The following RUNX1 variants were observed in gnomAD, a reference collection of about 807,000 sequenced individuals.
The protein encoded by RUNX1 is runt-related transcription factor 1.
Under a neutral mutation model 42.8 loss-of-function variants are expected in RUNX1, and 19 were observed. The ratio of observed to expected loss-of-function variants is 0.44; its 90% CI spans 0.31 to 0.65. RUNX1 has a LOEUF of 0.65. RUNX1 is among the 30% of genes least tolerant of loss of function. The pLI, the probability that RUNX1 is intolerant of heterozygous loss-of-function variation, is 0.07. For missense variants in RUNX1, 528 were observed against 672.0 expected (o/e 0.79, Z 2.37); for synonymous variants, 271 against 289.4 (o/e 0.94, Z 0.64).
chr21:34,899,936 G>C (rs1244729211), intron 2 of RUNX1, among the ~76,000 whole-genome samples: 4 of 152,176 alleles, frequency 2.6e-5, no homozygotes, highest in Admixed American at 2.6e-4. Context: ...CTTGAGCACA[G>C]GAGTTTGAGA....
intron 2 of RUNX1, among the ~76,000 whole-genome samples, chr21:34,908,379 C>A (rs768876573): frequency 6.6e-6 from 1 of 152,108 alleles, no homozygotes; most frequent in Non-Finnish European, 1.5e-5. Context: ...CATTAATGAT[C>A]TGAACTGAAA....
chr21:34,962,835 G>A (rs1212297134), intron 2 of RUNX1, among the ~76,000 whole-genome samples: 3 of 152,226 alleles, frequency 2.0e-5, no homozygotes, highest in Non-Finnish European at 4.4e-5. Context: ...CCTCACCGTT[G>A]TCACTGTCCT....
At position 34,792,628 on chromosome 21, in the gene RUNX1, G is replaced by T; in HGVS notation, c.968-18C>A. 1 of 1,560,954 alleles carries T rather than the reference G, an allele frequency of 6.4e-7. No homozygotes were observed. On this transcript the variant is annotated intron_variant, in intron 8 of 8. Coordinates refer to ENST00000675419, the MANE Select transcript of RUNX1 (RefSeq NM_001754.5). This position sits in a 1 kb window ranked among gnomAD's most constrained non-coding sequence, Gnocchi z 6.9. ...GGGTGCCGCTGCAGGGCGGGCAAGA[G>T]AACGGAGCGGAAGTGAGTAGGAGGT... is the stretch of plus-strand genomic sequence containing the variant.
chr21:34,972,752 G>A (rs1344305781), intron 2 of RUNX1, among the ~76,000 whole-genome samples: 4 of 152,152 alleles, frequency 2.6e-5, no homozygotes, highest in African/African-American at 9.7e-5. Context: ...TGAGATTGGT[G>A]GTGTGCAGCC....
At chr21:35,019,293 G>A (rs922861750) in intron 2 of RUNX1, among the ~76,000 whole-genome samples, 1 of 152,176 alleles carries the variant, frequency 6.6e-6, no homozygotes, top group Non-Finnish European at 1.5e-5. Flanking sequence ...TGAGTCCTCT[G>A]TAATGGCTCG....
chr21:35,031,860 T>C (rs1353123125), intron 2 of RUNX1, among the ~76,000 whole-genome samples: 1 of 152,256 alleles, frequency 6.6e-6, no homozygotes. Context: ...CCTACCATTG[T>C]TATCTGTCTA....
At chr21:34,983,062 C>G (rs535144784) in intron 2 of RUNX1, among the ~76,000 whole-genome samples, 2 of 152,162 alleles carry the variant, frequency 1.3e-5, no homozygotes, top group Admixed American at 1.3e-4. Flanking sequence ...GGTTCTTTCT[C>G]TCATCCATGA....
chr21:34,967,663 A>C (rs1216381723), intron 2 of RUNX1, among the ~76,000 whole-genome samples: 1 of 152,180 alleles, frequency 6.6e-6, no homozygotes, highest in East Asian at 1.9e-4. Flanking sequence ...ACGAGGCCTG[A>C]GGTGATTGTG....
At chr21:34,799,607 G>A in intron 7 of RUNX1, 145 bp from the exon 8 acceptor site, 1 of 673,364 alleles carries the variant, frequency 1.5e-6, no homozygotes. Context: ...GCCTACTCAA[G>A]TCCAAGTATC....
intron 2 of RUNX1, among the ~76,000 whole-genome samples, chr21:34,955,890 G>A (rs1348042314): frequency 6.6e-6 from 1 of 152,160 alleles, no homozygotes; most frequent in African/African-American, 2.4e-5. Context: ...TCCGGAATAG[G>A]CAAGAAGTCA....
rs942123112 is a variant in RUNX1 at position 34,791,556 on chromosome 21, C to G, written c.*579G>C. ...GGTCAAAGCAAGAAAGAAGCAAGCT[C>G]AATTTATATATATTTATATAAACGT... On this transcript the variant is annotated 3_prime_UTR_variant, in exon 9 of 9. Coordinates refer to ENST00000675419, the MANE Select transcript of RUNX1 (RefSeq NM_001754.5). 4.4e-6 allele frequency: 1 copy of G among 229,706 alleles called. No homozygotes were observed. The highest frequency in any genetic ancestry group is 8.6e-6 in the Non-Finnish European group (1 of 115,934). The allele number at this position is 229,706 out of a possible 1,614,324, so 14.2% of individuals were successfully genotyped here. A position where few individuals can be genotyped will look rare whatever the true frequency, so the allele number is the denominator to read the frequency against.
At chr21:35,029,362 G>T (rs1184207366) in intron 2 of RUNX1, among the ~76,000 whole-genome samples, 1 of 152,062 alleles carries the variant, frequency 6.6e-6, no homozygotes, top group South Asian at 2.1e-4. Flanking sequence ...GTGTCACCTT[G>T]GTTTTCTTCT....
intron 2 of RUNX1, among the ~76,000 whole-genome samples, chr21:34,894,373 AAAAC>A (rs2058111808): frequency 1.3e-5 from 2 of 152,232 alleles, no homozygotes; most frequent in Admixed American, 1.3e-4. Context: ...TTTAAACCCA[AAAAC>A]AAGGGCAAAA....
At chr21:34,828,176 C>G (rs79725289) in intron 7 of RUNX1, among the ~76,000 whole-genome samples, 2 of 152,186 alleles carry the variant, frequency 1.3e-5, no homozygotes, top group Non-Finnish European at 2.9e-5. Context: ...AGTCTTAGCC[C>G]CATTGTATCC....
rs539425925 is a variant in RUNX1, at chr21:34,900,660, A to G, written c.59-7697T>C. On this transcript the variant is annotated intron_variant, in intron 2 of 8. Coordinates refer to ENST00000675419, the MANE Select transcript of RUNX1 (RefSeq NM_001754.5). Reference sequence around the variant, plus strand: ...GGATAGCCACAAGTTAATCTCACACATTGTTCATTTCCACTTAACATTCAC... The same window carrying G: ...GGATAGCCACAAGTTAATCTCACACGTTGTTCATTTCCACTTAACATTCAC... Among the ~76,000 whole-genome samples the G allele has an allele frequency of 7.2e-5, 11 of 152,334 alleles. No homozygotes were observed. The East Asian group carries it at 1.9e-3, about 27-fold the overall frequency.
At chr21:34,950,493 C>A (rs951975234) in intron 2 of RUNX1, among the ~76,000 whole-genome samples, 19 of 152,150 alleles carry the variant, frequency 1.2e-4, no homozygotes, top group Admixed American at 5.9e-4. Flanking sequence ...AATACCAGCA[C>A]TTTGGGAGGC....
chr21:34,955,051 T>G (rs150983542), intron 2 of RUNX1, among the ~76,000 whole-genome samples: 2 of 152,218 alleles, frequency 1.3e-5, no homozygotes, highest in East Asian at 3.9e-4. Context: ...AGCCCCAGAT[T>G]TTTATCTATA....
intron 2 of RUNX1, among the ~76,000 whole-genome samples, chr21:35,028,995 G>A (rs1207676649): frequency 6.6e-6 from 1 of 152,142 alleles, no homozygotes; most frequent in African/African-American, 2.4e-5. Context: ...GTTCCTTTTT[G>A]TTTAATATAG....
intron 7 of RUNX1, chr21:34,821,324 T>C (rs117058040): frequency 8.6e-7 from 1 of 1,158,702 alleles, no homozygotes; most frequent in East Asian, 3.8e-5. Flanking sequence ...ATTGAAAGTG[T>C]ACCGGGATCC....
Sources: allele counts gnomAD v4.1 joint callset (sites outside exome capture counted in the v4.1 genomes callset), GRCh38; gene constraint gnomAD v4.1.1; non-coding constraint Gnocchi (gnomAD v3.1); transcripts MANE v1.5; gene names NCBI Gene and HGNC (gene_info 2026-07-23, HGNC 2026-07-21).